Variants in MARK3 observed in about 807,000 individuals in gnomAD.
The protein encoded by MARK3 is MAP/microtubule affinity-regulating kinase 3.
In MARK3, 46 loss-of-function variants were observed where a neutral mutation model predicts 90.1. That is an observed-to-expected ratio of 0.51 (90% confidence interval 0.40 to 0.65). The LOEUF is 0.65. MARK3 is among the 30% of genes least tolerant of loss of function. The pLI is 0.00. For missense variants in MARK3, 818 were observed against 947.2 expected, an observed-to-expected ratio of 0.86 and a Z score of 1.79; for synonymous variants, 321 against 332.6, an observed-to-expected ratio of 0.97 and a Z score of 0.38.
At chr14:103,457,792 T>A (rs2093307411) in intron 6 of MARK3, among the ~76,000 whole-genome samples, 1 of 152,240 alleles carries the variant, frequency 6.6e-6, no homozygotes, top group Admixed American at 6.5e-5. Context: ...TTAAGGTAAA[T>A]CTTACAGCTG....
chr14:103,467,690 A>AAAAAAAAAG (rs2093539523), intron 11 of MARK3: 1 of 158,274 alleles, frequency 6.3e-6, no homozygotes, highest in Non-Finnish European at 1.4e-5. Context: ...AAAAAAAAAA[A>AAAAAAAAAG]AAAAAAAGAT....
Position 103,385,793 on chromosome 14 carries a change from C to T in MARK3, c.-237C>T, listed in dbSNP as rs532765413. On this transcript the variant is annotated 5_prime_UTR_variant, in exon 1 of 18. Coordinates refer to ENST00000429436, the MANE Select transcript of MARK3 (RefSeq NM_001128918.3). ...CCCGCAGGCTCGGCTCCGCCACTGC[C>T]GCCCTCCCGGTCTCCTCGCCTCGGC... 39 of 410,108 alleles carry T rather than the reference C, an allele frequency of 9.5e-5. No individual in the cohort carries two copies. In the South Asian group the frequency reaches 2.2e-3, roughly 23 times the overall value. The allele number at this position is 410,108 out of a possible 1,614,324, so 25.4% of individuals were successfully genotyped here.
At chr14:103,424,553 TTAGAA>T in intron 2 of MARK3, among the ~76,000 whole-genome samples, 1 of 150,822 alleles carries the variant, frequency 6.6e-6, no homozygotes, top group Non-Finnish European at 1.5e-5. Context: ...AAAAGAATCT[TTAGAA>T]TAGGAGGAGG....
chr14:103,450,961 A>G (rs28369539), intron 4 of MARK3, among the ~76,000 whole-genome samples: 26,747 of 98,820 alleles, frequency 0.27, 4,316 homozygotes, highest in Middle Eastern at 0.55. Flanking sequence ...GACAGGGTCT[A>G]GCTCTGTTGT....
chr14:103,395,592 C>T (rs1329767061), intron 1 of MARK3, among the ~76,000 whole-genome samples: 1 of 152,146 alleles, frequency 6.6e-6, no homozygotes, highest in Non-Finnish European at 1.5e-5. Flanking sequence ...CATTTTCTTC[C>T]CCTTGGTTCA....
At chr14:103,453,904 G>T (rs370198817) in intron 5 of MARK3, among the ~76,000 whole-genome samples, 5 of 152,208 alleles carry the variant, frequency 3.3e-5, no homozygotes, top group African/African-American at 7.2e-5. Context: ...GGCCTGGACC[G>T]CCAGTGCTCT....
chr14:103,459,435 AT>A (rs751260358), intron 6 of MARK3, among the ~76,000 whole-genome samples: 2 of 152,180 alleles, frequency 1.3e-5, no homozygotes, highest in Non-Finnish European at 2.9e-5. Context: ...AAACAGCTCC[AT>A]TAGACTTGGA....
chr14:103,436,037 C>A (rs1566838879), intron 3 of MARK3, among the ~76,000 whole-genome samples: 1 of 152,042 alleles, frequency 6.6e-6, no homozygotes, highest in African/African-American at 2.4e-5. Flanking sequence ...ATTACAGGCA[C>A]CCGCTGCCAC....
intron 1 of MARK3, among the ~76,000 whole-genome samples, chr14:103,386,769 G>GC (rs1327922332): frequency 6.6e-6 from 1 of 152,202 alleles, no homozygotes; most frequent in Non-Finnish European, 1.5e-5. Flanking sequence ...CCCGCTGGGG[G>GC]CTTCGCTGTC....
intron 1 of MARK3, among the ~76,000 whole-genome samples, chr14:103,387,123 CTT>C (rs1158514646): frequency 6.6e-6 from 1 of 152,194 alleles, no homozygotes; most frequent in Non-Finnish European, 1.5e-5. Flanking sequence ...AATGTCTTCT[CTT>C]AGGGAATGCT....
intron 13 of MARK3, among the ~76,000 whole-genome samples, chr14:103,476,539 C>T (rs2093718132): frequency 6.6e-6 from 1 of 152,204 alleles, no homozygotes; most frequent in Admixed American, 6.5e-5. Context: ...TGAATCCATT[C>T]AGCTTCAGAA....
intron 14 of MARK3, chr14:103,491,162 T>G: frequency 8.5e-7 from 1 of 1,181,216 alleles, no homozygotes; most frequent in Non-Finnish European, 1.1e-6. Context: ...GCTTCTTAAT[T>G]TTGTGCTGTG....
At chr14:103,444,992 A>G (rs2092957449) in intron 3 of MARK3, among the ~76,000 whole-genome samples, 1 of 152,160 alleles carries the variant, frequency 6.6e-6, no homozygotes, top group Non-Finnish European at 1.5e-5. Flanking sequence ...CTTGTATGCA[A>G]ATTGTCAACT....
At chr14:103,399,911 C>G (rs1372864937) in intron 1 of MARK3, among the ~76,000 whole-genome samples, 1 of 137,676 alleles carries the variant, frequency 7.3e-6, no homozygotes, top group Non-Finnish European at 1.5e-5. Flanking sequence ...ACTGTACTGG[C>G]AACTCTGTCC....
At chr14:103,438,635 A>G (rs534224082) in intron 3 of MARK3, among the ~76,000 whole-genome samples, 10 of 152,168 alleles carry the variant, frequency 6.6e-5, no homozygotes, top group African/African-American at 9.7e-5. Context: ...AATCTTGACC[A>G]CCAGAACCTT....
Position 103,491,889 on chromosome 14 carries a change from G to A in MARK3, c.1699G>A (p.Gly567Ser). Residue 567 changes from glycine to serine, a missense_variant, in exon 15 of 18, where the codon GGC (glycine) becomes AGC (serine). Coordinates refer to ENST00000429436, the MANE Select transcript of MARK3 (RefSeq NM_001128918.3). The part of the protein sequence containing the change: ...RGTASRSTFH[G>S]QPRERRTATY... Reference sequence around the variant, plus strand: ...CACTGCCAGTCGTAGCACTTTCCACGGCCAGCCCCGGGAACGGCGAACCGC... The same window carrying A: ...CACTGCCAGTCGTAGCACTTTCCACAGCCAGCCCCGGGAACGGCGAACCGC... 4 of 1,614,068 alleles carry A rather than the reference G, an allele frequency of 2.5e-6. No individual in the cohort carries two copies. The highest frequency in any genetic ancestry group is 1.1e-5 in the South Asian group (1 of 91,082).
At chr14:103,498,404 G>GTT in intron 15 of MARK3, 98 bp from the exon 16 acceptor site, 2 of 860,136 alleles carry the variant, frequency 2.3e-6, no homozygotes, top group Non-Finnish European at 3.2e-6. Flanking sequence ...ACCCTGCTTT[G>GTT]TTTTTTTTCT....
intron 3 of MARK3, among the ~76,000 whole-genome samples, chr14:103,445,775 T>C (rs2083751463): frequency 6.6e-6 from 1 of 152,222 alleles, no homozygotes; most frequent in African/African-American, 2.4e-5. Flanking sequence ...TAATTCACTT[T>C]GTTTCATTTC....
chr14:103,443,618 C>CT (rs911115013), intron 3 of MARK3, among the ~76,000 whole-genome samples: 10 of 152,166 alleles, frequency 6.6e-5, no homozygotes, highest in East Asian at 1.9e-4. Flanking sequence ...TGGAAGTCGT[C>CT]TTTGAGACTT....
Sources: allele counts gnomAD v4.1 joint callset (sites outside exome capture counted in the v4.1 genomes callset), GRCh38; gene constraint gnomAD v4.1.1; transcripts MANE v1.5; gene names NCBI Gene and HGNC (gene_info 2026-07-23, HGNC 2026-07-21).